Variants in RHEB observed in about 807,000 individuals in gnomAD.
The protein encoded by RHEB is GTP-binding protein Rheb.
A neutral mutation model predicts 28.8 loss-of-function variants in RHEB; 2 were observed. The observed-to-expected ratio is 0.07, with a 90% CI of 0.03 to 0.22. The LOEUF is 0.22. RHEB is among the 10% of genes least tolerant of loss of function. The pLI, the probability that RHEB is intolerant of heterozygous loss-of-function variation, is 1.00. For synonymous variants in RHEB, 69 were observed against 77.3 expected, an observed-to-expected ratio of 0.89 and a Z score of 0.56; for missense variants, 76 against 219.9, an observed-to-expected ratio of 0.35 and a Z score of 4.14.
chr7:151,494,610 T>C (rs564134130), intron 1 of RHEB, among the ~76,000 whole-genome samples: 2 of 152,222 alleles, frequency 1.3e-5, no homozygotes, highest in Non-Finnish European at 2.9e-5. Context: ...GTTGTTTTCA[T>C]GAATAGTAAA....
At chr7:151,488,643 G>A (rs1251211731) in intron 2 of RHEB, among the ~76,000 whole-genome samples, 4 of 152,100 alleles carry the variant, frequency 2.6e-5, no homozygotes, top group East Asian at 1.9e-4. Context: ...CATGCCTCAC[G>A]AACTTTTAAT....
intron 1 of RHEB, chr7:151,498,228 T>C: frequency 9.4e-7 from 1 of 1,058,826 alleles, no homozygotes; most frequent in South Asian, 1.3e-5. Flanking sequence ...CTGGAGGCAA[T>C]TAAGGAAGAG....
intron 2 of RHEB, among the ~76,000 whole-genome samples, chr7:151,487,017 TA>T (rs1158491490): frequency 6.6e-6 from 1 of 152,124 alleles, no homozygotes; most frequent in Non-Finnish European, 1.5e-5. Flanking sequence ...GGCAGTTAAA[TA>T]AAAAAGCCCA....
chr7:151,486,259 C>T (rs1802471902), intron 2 of RHEB, among the ~76,000 whole-genome samples: 1 of 152,166 alleles, frequency 6.6e-6, no homozygotes, highest in Non-Finnish European at 1.5e-5. Context: ...AACTAAGTAA[C>T]TGCAGTTATC....
intron 1 of RHEB, among the ~76,000 whole-genome samples, chr7:151,492,838 ATTTT>A (rs538597333): frequency 1.6e-5 from 2 of 125,170 alleles, no homozygotes; most frequent in South Asian, 2.6e-4. Flanking sequence ...AATTCTCAAC[ATTTT>A]TTTTTTTTTT....
rs961995397 is a variant in RHEB, at chr7:151,472,575, C to T, written c.276-970G>A. On this transcript the variant is annotated intron_variant, in intron 4 of 7. Transcript: ENST00000262187. This position sits in a 1 kb window ranked among gnomAD's most constrained non-coding sequence, Gnocchi z 5.2. ...TCACTTCTTACACCTCTTCTGTTTACCCTAAATGACAAATTTCCTTTCCAT... is the reference window on the plus strand; with the variant it reads ...TCACTTCTTACACCTCTTCTGTTTATCCTAAATGACAAATTTCCTTTCCAT... Among the ~76,000 whole-genome samples, 21 of 152,220 alleles carry T rather than the reference C, an allele frequency of 1.4e-4. No homozygotes were observed. The highest frequency in any genetic ancestry group is 2.5e-4 in the Non-Finnish European group (17 of 68,046).
In RHEB at chr7:151,492,917, C is replaced by CA. The variant is rs1213019282; in HGVS notation, c.53-1904dup. Among the ~76,000 whole-genome samples the CA allele has an allele frequency of 2.0e-5, 3 of 149,810 alleles. No individual in the cohort carries two copies. The East Asian group carries it at 6.0e-4, about 30-fold the overall frequency. ...GCAGTGGTGCAATCTTGGCTCACTG[C>CA]AACCTCTGCCTCCCGGGTTGAGGCG... is the stretch of plus-strand genomic sequence containing the variant. On this transcript the variant is annotated intron_variant, in intron 1 of 7. Transcript: ENST00000262187.
At chr7:151,511,091 TA>T (rs377470867) in intron 1 of RHEB, among the ~76,000 whole-genome samples, 38 of 139,280 alleles carry the variant, frequency 2.7e-4, no homozygotes, top group South Asian at 6.7e-4. Flanking sequence ...AAATAAAAAA[TA>T]AAAAAAAAAA....
At chr7:151,501,976 G>A (rs1421093153) in intron 1 of RHEB, 11 of 611,390 alleles carry the variant, frequency 1.8e-5, no homozygotes, top group Middle Eastern at 4.1e-4. Flanking sequence ...CGTGGCTCAC[G>A]CCTGTAATCC....
At chr7:151,513,622 T>C (rs1803028246) in intron 1 of RHEB, among the ~76,000 whole-genome samples, 1 of 152,238 alleles carries the variant, frequency 6.6e-6, no homozygotes, top group African/African-American at 2.4e-5. Flanking sequence ...ATTCCAAGTA[T>C]AAAGCAGACC....
Position 151,487,106 on chromosome 7 carries a change from C to T in RHEB, c.125-2302G>A, listed in dbSNP as rs1282197129. Among the ~76,000 whole-genome samples, 3 of 152,316 alleles carry T rather than the reference C, an allele frequency of 2.0e-5. No individual in the cohort carries two copies. The East Asian group carries it at 5.8e-4, about 29-fold the overall frequency. ...ACTGCTTGAGGCCTGGAGTTCAAGA[C>T]CACCCTGGGCAACACAGGGAGACCC... On this transcript the variant is annotated intron_variant, in intron 2 of 7. Coordinates refer to ENST00000262187, the MANE Select transcript of RHEB (RefSeq NM_005614.4).
At chr7:151,467,326 G>A (rs1011459770) in intron 7 of RHEB, 115 bp from the exon 8 acceptor site, 3 of 763,578 alleles carry the variant, frequency 3.9e-6, no homozygotes, top group Non-Finnish European at 6.8e-6. Flanking sequence ...TGGAGGAGGA[G>A]GGGTTCTGGT....
intron 7 of RHEB, 89 bp from the exon 8 acceptor site, chr7:151,467,300 C>A: frequency 2.2e-6 from 2 of 927,426 alleles, no homozygotes; most frequent in South Asian, 1.4e-5. Context: ...TGCCGCCTGC[C>A]CTGCCCTCCT....
chr7:151,500,974 AC>A (rs138692539), intron 1 of RHEB, among the ~76,000 whole-genome samples: 1,908 of 152,264 alleles, frequency 0.013, 33 homozygotes, highest in African/African-American at 0.043. Flanking sequence ...ACGGAACAAG[AC>A]GCTGTCTCCA....
At chr7:151,481,098 C>G (rs1157420633) in intron 3 of RHEB, among the ~76,000 whole-genome samples, 2 of 151,660 alleles carry the variant, frequency 1.3e-5, no homozygotes, top group African/African-American at 4.9e-5. Context: ...AATGTAACAC[C>G]AGGCATAAAT....
In RHEB at chr7:151,466,748, C is replaced by T. The variant is rs946349695; in HGVS notation, c.*371G>A. 9 of 171,626 alleles carry T rather than the reference C, an allele frequency of 5.2e-5. 1 individual carries two copies. The highest frequency in any genetic ancestry group is 9.9e-5 in the Non-Finnish European group (8 of 80,726). 10.6% of individuals were successfully genotyped at this position (171,626 alleles called of 1,614,324 possible). On this transcript the variant is annotated 3_prime_UTR_variant, in exon 8 of 8. Transcript: ENST00000262187. ...ATTTTATTTACAAGTATACATTTAACACAATGAAATAAACACTGATATACT... is the reference window on the plus strand; with the variant it reads ...ATTTTATTTACAAGTATACATTTAATACAATGAAATAAACACTGATATACT...
At chr7:151,518,288 A>C (rs1156887567) in intron 1 of RHEB, among the ~76,000 whole-genome samples, 1 of 152,122 alleles carries the variant, frequency 6.6e-6, no homozygotes, top group Non-Finnish European at 1.5e-5. Context: ...AAGAGCACAG[A>C]CCCTGGCACA....
intron 4 of RHEB, among the ~76,000 whole-genome samples, chr7:151,476,796 C>T (rs1802280092): frequency 6.6e-6 from 1 of 152,198 alleles, no homozygotes; most frequent in Non-Finnish European, 1.5e-5. Context: ...CAGACCACTG[C>T]TCCTCCTGAT....
chr7:151,479,116 C>T (rs548085719), intron 3 of RHEB, among the ~76,000 whole-genome samples: 3 of 152,270 alleles, frequency 2.0e-5, no homozygotes, highest in African/African-American at 7.2e-5. Context: ...TAATACTGTA[C>T]TGGCTCACAA....
Sources: gnomAD v4.1 joint callset for allele counts (sites outside exome capture counted in the v4.1 genomes callset) on GRCh38, gnomAD v4.1.1 for gene constraint, Gnocchi (gnomAD v3.1) non-coding constraint, MANE v1.5 for transcripts, NCBI Gene and HGNC (gene_info 2026-07-23, HGNC 2026-07-21) for gene names.